Variants in WWP2 observed in about 807,000 individuals in gnomAD.
The protein encoded by WWP2 is NEDD4-like E3 ubiquitin-protein ligase WWP2.
Under a neutral mutation model 121.0 loss-of-function variants are expected in WWP2, and 57 were observed. The observed-to-expected ratio is 0.47, with a 90% CI of 0.38 to 0.59. The LOEUF is 0.59. WWP2 is among the 20% of genes least tolerant of loss of function. WWP2 has a pLI of 0.00. For missense variants in WWP2, 962 were observed against 1,158.9 expected (o/e 0.83, Z 2.47); for synonymous variants, 449 against 441.3 (o/e 1.02, Z -0.22).
intron 10 of WWP2, among the ~76,000 whole-genome samples, chr16:69,919,206 C>A (rs1487010454): frequency 1.3e-5 from 2 of 152,252 alleles, no homozygotes; most frequent in Admixed American, 1.3e-4. Flanking sequence ...GCTCTTGTTG[C>A]CCAAGCTGGA....
At chr16:69,824,769 T>A (rs2056654510) in intron 4 of WWP2, among the ~76,000 whole-genome samples, 1 of 40,542 alleles carries the variant, frequency 2.5e-5, no homozygotes, top group East Asian at 6.5e-4. Flanking sequence ...ACCTGTGGCT[T>A]TTTTTTTTTT....
intron 4 of WWP2, among the ~76,000 whole-genome samples, chr16:69,820,361 C>T (rs1347319975): frequency 2.6e-5 from 4 of 152,190 alleles, no homozygotes; most frequent in African/African-American, 9.6e-5. Context: ...CCTGCCTCCG[C>T]CTCCTGAGTA....
intron 8 of WWP2, among the ~76,000 whole-genome samples, chr16:69,897,647 C>T (rs190120337): frequency 3.3e-5 from 5 of 152,166 alleles, no homozygotes; most frequent in South Asian, 2.1e-4. Context: ...CAGTGGCTCA[C>T]GCCTGTAATC....
intron 9 of WWP2, 96 bp from the exon 10 acceptor site, chr16:69,917,613 G>A: frequency 6.9e-7 from 1 of 1,452,038 alleles, no homozygotes; most frequent in Non-Finnish European, 9.3e-7. Context: ...CTGTGACAGG[G>A]CCTGCCCGGC....
chr16:69,939,127 T>C lies in WWP2; in HGVS notation c.2440+4T>C, dbSNP rs1446155847. ...GGGGGATTTGCCGAACTCATCGGTA[T>C]GTTTTCTCTCGCCCTCTGGCGTCCT... On this transcript the variant is annotated splice_donor_region_variant and intron_variant, in intron 22 of 23. Coordinates refer to ENST00000359154, the MANE Select transcript of WWP2 (RefSeq NM_001270454.2). 2 of 1,595,642 alleles carry C rather than the reference T, an allele frequency of 1.3e-6. No individual in the cohort carries two copies. Among genetic ancestry groups the C allele is most frequent in the Non-Finnish European group, 8.5e-7 (1 of 1,170,110 alleles).
Position 69,784,902 on chromosome 16 carries a change from G to A in WWP2, c.-15-2094G>A, listed in dbSNP as rs538935546. ...CTTCAAGGAAAACAACACAGTATTT[G>A]TTACCAATGATAAAATATGAGTTTT... On this transcript the variant is annotated intron_variant, in intron 1 of 23. Coordinates refer to ENST00000359154, the MANE Select transcript of WWP2 (RefSeq NM_001270454.2). Among the ~76,000 whole-genome samples the A allele has an allele frequency of 3.3e-5, 5 of 151,676 alleles. No individual in the cohort carries two copies. In the South Asian group the frequency reaches 1.0e-3, roughly 32 times the overall value.
chr16:69,868,461 A>G (rs548565230), intron 6 of WWP2, among the ~76,000 whole-genome samples: 1 of 152,242 alleles, frequency 6.6e-6, no homozygotes, highest in East Asian at 1.9e-4. Flanking sequence ...GGAGTTGATC[A>G]TGGACATGTC....
intron 16 of WWP2, 100 bp from the exon 17 acceptor site, chr16:69,933,870 C>G: frequency 7.1e-7 from 1 of 1,404,442 alleles, no homozygotes; most frequent in East Asian, 2.3e-5. Flanking sequence ...ACACGTGTCC[C>G]CATACTAACC....
rs1333806226 is a variant in WWP2, at chr16:69,913,128, G to A, written c.1004+4278G>A. On this transcript the variant is annotated intron_variant, in intron 9 of 23. Transcript: ENST00000359154. ...CAACCTCCACCTCCCAGGTTCAAGC[G>A]ATTCTCCTGCCTCAGCCTCCTAAGT... Among the ~76,000 whole-genome samples, 5 of 144,778 alleles carry A rather than the reference G, an allele frequency of 3.5e-5. No homozygotes were observed. In the South Asian group the frequency reaches 6.7e-4, roughly 19 times the overall value. 95.0% of individuals were successfully genotyped at this position (144,778 alleles called of 152,430 possible).
chr16:69,920,705 T>G (rs575126263), intron 10 of WWP2, among the ~76,000 whole-genome samples: 1 of 152,230 alleles, frequency 6.6e-6, no homozygotes, highest in African/African-American at 2.4e-5. Flanking sequence ...GAGGATCACT[T>G]GAGCCCAGGA....
chr16:69,913,843 G>A (rs946149820), intron 9 of WWP2, among the ~76,000 whole-genome samples: 1 of 151,860 alleles, frequency 6.6e-6, no homozygotes, highest in African/African-American at 2.4e-5. Context: ...GGCGAGGCAG[G>A]TGGATCACCT....
chr16:69,775,141 G>A (rs1597644186), intron 1 of WWP2: 2 of 152,116 alleles, frequency 1.3e-5, no homozygotes, highest in Non-Finnish European at 2.9e-5. Flanking sequence ...TGATTGACTG[G>A]TAATACACTG....
intron 4 of WWP2, among the ~76,000 whole-genome samples, chr16:69,830,737 AG>A (rs1268489925): frequency 6.6e-6 from 1 of 152,164 alleles, no homozygotes; most frequent in Non-Finnish European, 1.5e-5. Flanking sequence ...TTCTGTTGTT[AG>A]GCTCTGGCTA....
intron 4 of WWP2, among the ~76,000 whole-genome samples, chr16:69,831,827 CTTT>C (rs548609220): frequency 5.5e-5 from 6 of 109,052 alleles, no homozygotes; most frequent in Admixed American, 9.1e-5. Flanking sequence ...AAAACAAAAC[CTTT>C]TTTTTTTTTT....
At chr16:69,865,288 G>A (rs182543149) in intron 6 of WWP2, among the ~76,000 whole-genome samples, 2 of 149,714 alleles carry the variant, frequency 1.3e-5, no homozygotes, top group Admixed American at 1.3e-4. Flanking sequence ...GACCTCAGGT[G>A]ATCCGCCTGC....
chr16:69,770,427 G>T (rs1296631210), intron 1 of WWP2, among the ~76,000 whole-genome samples: 1 of 152,186 alleles, frequency 6.6e-6, no homozygotes, highest in African/African-American at 2.4e-5. Flanking sequence ...GGCTGCACAC[G>T]TGGAGGTTCT....
intron 6 of WWP2, among the ~76,000 whole-genome samples, chr16:69,848,785 T>A (rs1485227948): frequency 6.6e-6 from 1 of 152,200 alleles, no homozygotes; most frequent in Non-Finnish European, 1.5e-5. Context: ...TGTTTGTGTG[T>A]GCATGTAGGC....
At chr16:69,806,953 T>TATTTATTTATTTATTTATTTATTC (rs770245519) in intron 4 of WWP2, among the ~76,000 whole-genome samples, 2 of 146,062 alleles carry the variant, frequency 1.4e-5, no homozygotes, top group Non-Finnish European at 3.0e-5. Flanking sequence ...TTTATTTATT[T>TATTTATTTATTTATTTATTTATTC]ATTCATTCAT....
At chr16:69,765,837 TG>T (rs1345475880) in intron 1 of WWP2, among the ~76,000 whole-genome samples, 2 of 151,878 alleles carry the variant, frequency 1.3e-5, no homozygotes, top group African/African-American at 4.8e-5. Context: ...TTTGGAGAGA[TG>T]GGGAGTTGGG....
Sources: allele counts gnomAD v4.1 joint callset (sites outside exome capture counted in the v4.1 genomes callset), GRCh38; gene constraint gnomAD v4.1.1; transcripts MANE v1.5; gene names NCBI Gene and HGNC (gene_info 2026-07-23, HGNC 2026-07-21).